SNTG1: variants seen among roughly 807,000 people sequenced by gnomAD.
SNTG1 encodes the protein syntrophin gamma 1, also known as gamma-1-syntrophin.
Under a neutral mutation model 74.7 loss-of-function variants are expected in SNTG1, and 39 were observed. The observed-to-expected ratio is 0.52, with a 90% confidence interval of 0.40 to 0.68. The LOEUF is 0.68. SNTG1 is among the 30% of genes least tolerant of loss of function. SNTG1 has a pLI of 0.00. For missense variants in SNTG1, 685 were observed against 609.5 expected (o/e 1.12, Z -1.30); for synonymous variants, 254 against 217.1 (o/e 1.17, Z -1.49).
chr8:50,693,996 A>T (rs1013159325), intron 15 of SNTG1, among the ~76,000 whole-genome samples: 1 of 152,114 alleles, frequency 6.6e-6, no homozygotes, highest in African/African-American at 2.4e-5. Context: ...AACCACCTAC[A>T]TTAGAAAAGG....
intron 9 of SNTG1, among the ~76,000 whole-genome samples, chr8:50,524,291 G>C (rs1180569193): frequency 6.6e-6 from 1 of 151,958 alleles, no homozygotes; most frequent in East Asian, 1.9e-4. Context: ...TAGTGTCTCT[G>C]TTGGGGAATG....
At position 50,028,048 on chromosome 8, in the gene SNTG1, T is replaced by C. The variant is rs558667605; in HGVS notation, c.-103+115817T>C. ...TGTAGTTCTATGTCACATTACCACA[T>C]GTTCTTGAAACCACCACTGGCATCA... On this transcript the variant is annotated intron_variant, in intron 1 of 18. Coordinates refer to ENST00000642720, the MANE Select transcript of SNTG1 (RefSeq NM_018967.5). 2.0e-5 allele frequency among the ~76,000 whole-genome samples: 3 copies of C among 152,208 alleles called. No individual in the cohort carries two copies. In the South Asian group the frequency reaches 6.2e-4, roughly 32 times the overall value.
At chr8:50,749,898 T>C (rs1276711664) in intron 17 of SNTG1, among the ~76,000 whole-genome samples, 1 of 152,036 alleles carries the variant, frequency 6.6e-6, no homozygotes, top group African/African-American at 2.4e-5. Flanking sequence ...GCTAACACAA[T>C]ATCCATTCTG....
At chr8:50,749,431 A>T (rs186957952) in intron 17 of SNTG1, among the ~76,000 whole-genome samples, 104 of 152,198 alleles carry the variant, frequency 6.8e-4, no homozygotes, top group Admixed American at 1.2e-3. Context: ...TTATCCGAAG[A>T]TCTAGCTAAG....
rs201460045 is a variant in SNTG1, at chr8:50,553,142, C to T, written c.773C>T (p.Ala258Val). 6.2e-7 allele frequency: 1 copy of T among 1,613,744 alleles called. No individual in the cohort carries two copies. Among genetic ancestry groups the T allele is most frequent in the Non-Finnish European group, 8.5e-7 (1 of 1,179,872 alleles). ...SAEDCVDWLQ[A>V]IATNISNLTK... The stretch of plus-strand genomic sequence containing the variant: ...GAAGACTGCGTTGACTGGCTACAAG[C>T]AATAGCAACTAACATTTCAAATCTC... The change falls in exon 12 of 19, where the codon GCA becomes GTA. Residue 258 changes from alanine to valine, a missense_variant. Ala to Val is a moderately conservative substitution (Grantham distance 64, BLOSUM62 0). Coordinates refer to ENST00000642720, the MANE Select transcript of SNTG1 (RefSeq NM_018967.5).
chr8:50,777,562 C>A (rs375153845), intron 18 of SNTG1, among the ~76,000 whole-genome samples: 3 of 151,770 alleles, frequency 2.0e-5, no homozygotes, highest in East Asian at 1.9e-4. Context: ...CTTATTGGAA[C>A]AATTTTGTTG....
chr8:50,199,202 A>G (rs1478444178), intron 2 of SNTG1, among the ~76,000 whole-genome samples: 1 of 149,322 alleles, frequency 6.7e-6, no homozygotes, highest in Non-Finnish European at 1.5e-5. Flanking sequence ...AAACACAACG[A>G]TTAGGACTTA....
At chr8:50,250,795 A>G (rs995681714) in intron 2 of SNTG1, among the ~76,000 whole-genome samples, 12 of 152,138 alleles carry the variant, frequency 7.9e-5, no homozygotes, top group Non-Finnish European at 1.8e-4. Flanking sequence ...TTCGCAGACA[A>G]GCAAAAACTG....
intron 12 of SNTG1, among the ~76,000 whole-genome samples, chr8:50,566,802 T>A (rs1303019017): frequency 6.6e-6 from 1 of 152,054 alleles, no homozygotes; most frequent in Non-Finnish European, 1.5e-5. Context: ...GGGTACAAAA[T>A]CCTAGCTTCT....
chr8:50,060,409 T>A (rs1820371258), intron 1 of SNTG1, among the ~76,000 whole-genome samples: 1 of 152,114 alleles, frequency 6.6e-6, no homozygotes, highest in South Asian at 2.1e-4. Context: ...TTATGCTTCT[T>A]GAGTCACATC....
At chr8:50,054,275 C>A (rs951295738) in intron 1 of SNTG1, among the ~76,000 whole-genome samples, 2 of 152,078 alleles carry the variant, frequency 1.3e-5, no homozygotes, top group Non-Finnish European at 2.9e-5. Flanking sequence ...ACCCACTTGC[C>A]CTTGCCAGAA....
At chr8:50,027,265 T>C (rs963335484) in intron 1 of SNTG1, among the ~76,000 whole-genome samples, 1 of 152,122 alleles carries the variant, frequency 6.6e-6, no homozygotes, top group African/African-American at 2.4e-5. Context: ...CCCAAGGTTT[T>C]GTTATATTTC....
At chr8:50,661,634 T>C (rs576568815) in intron 15 of SNTG1, among the ~76,000 whole-genome samples, 1 of 152,154 alleles carries the variant, frequency 6.6e-6, no homozygotes, top group Non-Finnish European at 1.5e-5. Context: ...GCTGCACCTA[T>C]CCACCCATCA....
Position 50,536,779 on chromosome 8 carries a change from T to C in SNTG1, c.651T>C (p.Ser217=). 1 of 1,614,030 alleles carries C rather than the reference T, an allele frequency of 6.2e-7. No individual in the cohort carries two copies. Residue 217 remains serine, a synonymous_variant, in exon 11 of 19, where the codon TCT becomes TCC. Transcript: ENST00000642720. ...RLIPLLHSRF[S]QYVPGTDLSR... The stretch of plus-strand genomic sequence containing the variant: ...TCCCTCTACTTCATTCGCGCTTCTC[T>C]CAGTATGTGCCCGGCACAGATTTGA...
intron 2 of SNTG1, among the ~76,000 whole-genome samples, chr8:50,284,546 G>A (rs1238393072): frequency 6.6e-6 from 1 of 152,028 alleles, no homozygotes; most frequent in Non-Finnish European, 1.5e-5. Context: ...TGTTGTTACT[G>A]TTTTTAAGCA....
chr8:50,708,808 CA>C, intron 16 of SNTG1, 77 bp from the exon 17 acceptor site: 1 of 865,824 alleles, frequency 1.2e-6, no homozygotes, highest in South Asian at 1.6e-5. Flanking sequence ...GTACTTATTG[CA>C]GAAGCTGTAA....
chr8:50,395,397 G>A (rs139596870), intron 3 of SNTG1, among the ~76,000 whole-genome samples: 347 of 151,252 alleles, frequency 2.3e-3, no homozygotes, highest in Non-Finnish European at 3.8e-3. Flanking sequence ...AGGTCAGAGT[G>A]TGTACATTAT....
Position 50,263,861 on chromosome 8 carries a change from A to G in SNTG1, c.-28+91226A>G, listed in dbSNP as rs544672876. 6.6e-5 allele frequency among the ~76,000 whole-genome samples: 10 copies of G among 152,252 alleles called. No individual in the cohort carries two copies. The East Asian group carries it at 1.7e-3, about 27-fold the overall frequency. ...TAACCCCAACAGACATGTGTAGAAC[A>G]CTTCACTCAGTGATTGCGGCATACA... On this transcript the variant is annotated intron_variant, in intron 2 of 18. Transcript: ENST00000642720.
chr8:50,389,555 T>C (rs186362707), intron 2 of SNTG1, among the ~76,000 whole-genome samples: 41 of 152,350 alleles, frequency 2.7e-4, no homozygotes, highest in African/African-American at 9.6e-4. Context: ...CGTGTGCATG[T>C]GTCTTTATAG....
Sources: gnomAD v4.1 joint callset for allele counts (sites outside exome capture counted in the v4.1 genomes callset) on GRCh38, gnomAD v4.1.1 for gene constraint, MANE v1.5 for transcripts, NCBI Gene and HGNC (gene_info 2026-07-23, HGNC 2026-07-21) for gene names.